Variants in CAMKMT observed in about 807,000 individuals in gnomAD.
The protein encoded by CAMKMT is CaM KMT.
CAMKMT carries 53 observed loss-of-function variants against 48.0 expected under a neutral mutation model. That is an observed-to-expected ratio of 1.10 (90% CI 0.89 to 1.39). CAMKMT has a LOEUF of 1.39. Among genes scored for constraint, CAMKMT ranks in the 40% most tolerant of loss-of-function variants. The probability of loss-of-function intolerance (pLI) is 0.00; values close to 1 mark genes in which losing one functional copy is unlikely to be tolerated. For synonymous variants in CAMKMT, 165 were observed against 152.3 expected (o/e 1.08, Z -0.61); for missense variants, 428 against 402.7 (o/e 1.06, Z -0.54).
At chr2:44,551,761 A>T (rs1266420081) in intron 3 of CAMKMT, among the ~76,000 whole-genome samples, 1 of 152,212 alleles carries the variant, frequency 6.6e-6, no homozygotes, top group African/African-American at 2.4e-5. Context: ...AGAGTGAAGC[A>T]CTGTACTAAG....
chr2:44,403,722 A>G (rs543747927), intron 3 of CAMKMT, among the ~76,000 whole-genome samples: 22 of 152,346 alleles, frequency 1.4e-4, no homozygotes, highest in African/African-American at 4.6e-4. Flanking sequence ...ATATGCACTC[A>G]TATACATTAA....
intron 3 of CAMKMT, among the ~76,000 whole-genome samples, chr2:44,630,267 A>G (rs1672738036): frequency 6.6e-6 from 1 of 151,954 alleles, no homozygotes; most frequent in Non-Finnish European, 1.5e-5. Context: ...AAAGACTTAA[A>G]CGTTAGACCT....
chr2:44,671,980 C>G (rs947508974), intron 3 of CAMKMT, among the ~76,000 whole-genome samples: 1 of 152,092 alleles, frequency 6.6e-6, no homozygotes. Flanking sequence ...GATTAATATA[C>G]TTTTAACTGT....
Position 44,472,743 on chromosome 2 carries a change from G to A in CAMKMT, c.376+82438G>A, listed in dbSNP as rs1028570733. On this transcript the variant is annotated intron_variant, in intron 3 of 10. Transcript: ENST00000378494. ...GCATCCCAGAAAATAGCATTCTGGA[G>A]TGTGGTTTTGAACAGAATTCTATTC... Among the ~76,000 whole-genome samples the A allele has an allele frequency of 8.5e-5, 13 of 152,312 alleles. 1 individual carries two copies. The South Asian group carries it at 2.7e-3, about 32-fold the overall frequency.
intron 9 of CAMKMT, among the ~76,000 whole-genome samples, chr2:44,759,163 C>T (rs1680507057): frequency 6.6e-6 from 1 of 152,174 alleles, no homozygotes; most frequent in Non-Finnish European, 1.5e-5. Flanking sequence ...CTCACTTGGT[C>T]ACCAGGCTAG....
chr2:44,767,909 A>C (rs1335362883), intron 10 of CAMKMT, among the ~76,000 whole-genome samples: 2 of 152,146 alleles, frequency 1.3e-5, no homozygotes, highest in Non-Finnish European at 2.9e-5. Context: ...CTAGAACAAC[A>C]AATGCTTTTA....
chr2:44,644,869 AT>A (rs1183899775), intron 3 of CAMKMT, among the ~76,000 whole-genome samples: 1 of 152,064 alleles, frequency 6.6e-6, no homozygotes, highest in South Asian at 2.1e-4. Flanking sequence ...GTTTCTTATG[AT>A]TTTTTTAATT....
chr2:44,755,921 T>A (rs568342715), intron 9 of CAMKMT, among the ~76,000 whole-genome samples: 5 of 152,270 alleles, frequency 3.3e-5, no homozygotes, highest in African/African-American at 9.6e-5. Context: ...CACACTAACC[T>A]GTAGCATTAG....
intron 3 of CAMKMT, among the ~76,000 whole-genome samples, chr2:44,679,043 T>A (rs1354085857): frequency 6.6e-6 from 1 of 152,196 alleles, no homozygotes; most frequent in Non-Finnish European, 1.5e-5. Context: ...CTCTTTCTAC[T>A]CTTATGAATC....
At chr2:44,688,086 A>C (rs1676441331) in intron 3 of CAMKMT, among the ~76,000 whole-genome samples, 1 of 152,226 alleles carries the variant, frequency 6.6e-6, no homozygotes, top group Non-Finnish European at 1.5e-5. Flanking sequence ...AGTTTGTTGC[A>C]GGAGAATGAA....
intron 3 of CAMKMT, among the ~76,000 whole-genome samples, chr2:44,555,285 T>C (rs753080040): frequency 2.8e-4 from 42 of 151,898 alleles, no homozygotes; most frequent in Non-Finnish European, 3.8e-4. Context: ...AAACTAGGGG[T>C]ATTGGTGGTA....
rs187102413 is a variant in CAMKMT at position 44,522,128 on chromosome 2, C to G, written c.376+131823C>G. 3.3e-5 allele frequency among the ~76,000 whole-genome samples: 5 copies of G among 151,934 alleles called. No homozygotes were observed. In the South Asian group the frequency reaches 6.3e-4, roughly 19 times the overall value. ...AAGCAATTCTCCTGCCTCAGCCTGC[C>G]GAGTAGCTGGGACTACAGGCACATG... On this transcript the variant is annotated intron_variant, in intron 3 of 10. Transcript: ENST00000378494.
chr2:44,383,915 G>T (rs938075607), intron 2 of CAMKMT, among the ~76,000 whole-genome samples: 1 of 152,156 alleles, frequency 6.6e-6, no homozygotes, highest in Non-Finnish European at 1.5e-5. Context: ...TTGCAATTGT[G>T]AATTGTGCTG....
chr2:44,652,612 T>G (rs977577069), intron 3 of CAMKMT, among the ~76,000 whole-genome samples: 1 of 148,892 alleles, frequency 6.7e-6, no homozygotes, highest in African/African-American at 2.6e-5. Flanking sequence ...TGCCTCCCCC[T>G]CTCCAAAGTA....
intron 3 of CAMKMT, among the ~76,000 whole-genome samples, chr2:44,468,382 A>G (rs574604800): frequency 2.0e-4 from 31 of 152,298 alleles, no homozygotes; most frequent in Admixed American, 2.0e-3. Flanking sequence ...GAGAAGGGGG[A>G]GCTCATACAC....
chr2:44,442,429 T>A (rs1666724223), intron 3 of CAMKMT, among the ~76,000 whole-genome samples: 2 of 152,210 alleles, frequency 1.3e-5, no homozygotes, highest in South Asian at 4.1e-4. Context: ...GTTAGTCTAA[T>A]GCCAAGGTTT....
chr2:44,534,341 C>T (rs374966879), intron 3 of CAMKMT, among the ~76,000 whole-genome samples: 1 of 152,110 alleles, frequency 6.6e-6, no homozygotes. Context: ...AACAGAAAAT[C>T]AACAACGAGA....
At chr2:44,680,779 A>G (rs2104174673) in intron 3 of CAMKMT, among the ~76,000 whole-genome samples, 1 of 152,314 alleles carries the variant, frequency 6.6e-6, no homozygotes, top group South Asian at 2.1e-4. Context: ...CAACTGCCTC[A>G]TGTAAAATAA....
At chr2:44,425,364 C>A (rs1207349498) in intron 3 of CAMKMT, among the ~76,000 whole-genome samples, 1 of 151,894 alleles carries the variant, frequency 6.6e-6, no homozygotes, top group Non-Finnish European at 1.5e-5. Context: ...GATTTACTAC[C>A]TTGTTAGAAG....
Sources: allele counts gnomAD v4.1 joint callset (sites outside exome capture counted in the v4.1 genomes callset), GRCh38; gene constraint gnomAD v4.1.1; transcripts MANE v1.5; gene names NCBI Gene and HGNC (gene_info 2026-07-23, HGNC 2026-07-21).